Variants in PDE1A observed in about 807,000 individuals in gnomAD.
PDE1A encodes the protein dual specificity calcium/calmodulin-dependent 3',5'-cyclic nucleotide phosphodiesterase 1A.
A neutral mutation model predicts 61.7 loss-of-function variants in PDE1A; 35 were observed. The observed-to-expected ratio is 0.57, with a 90% CI of 0.43 to 0.75. The LOEUF is 0.75. PDE1A is among the 30% of genes least tolerant of loss of function. The probability of loss-of-function intolerance (pLI) is 0.00; values close to 1 mark genes in which losing one functional copy is unlikely to be tolerated. For missense variants in PDE1A, 597 were observed against 630.6 expected (o/e 0.95, Z 0.57); for synonymous variants, 232 against 213.2 (o/e 1.09, Z -0.77).
At chr2:182,390,903 TG>T (rs1197742152) in intron 1 of PDE1A, among the ~76,000 whole-genome samples, 2 of 152,190 alleles carry the variant, frequency 1.3e-5, no homozygotes, top group Non-Finnish European at 2.9e-5. Context: ...GCAACAGTGA[TG>T]GCCTCCCCTG....
the PDE1A span, among the ~76,000 whole-genome samples, chr2:182,598,440 C>T: frequency 0.17 from 25,606 of 151,788 alleles, 2,399 homozygotes; most frequent in Middle Eastern, 0.24. Flanking sequence ...GGCATGGTGG[C>T]GGGCACCTGT....
chr2:182,414,164 A>G (rs1241044090), intron 1 of PDE1A, among the ~76,000 whole-genome samples: 1 of 152,172 alleles, frequency 6.6e-6, no homozygotes, highest in African/African-American at 2.4e-5. Context: ...GAAGACATGG[A>G]AGCAGAGGAC....
At chr2:182,240,057 T>C in intron 3 of PDE1A, 53 bp downstream of exon 3, 2 of 1,485,568 alleles carry the variant, frequency 1.3e-6, no homozygotes, top group South Asian at 1.2e-5. Flanking sequence ...AAAATGAATG[T>C]ATCTGCTGCC....
chr2:182,531,778 G>C, the PDE1A span, among the ~76,000 whole-genome samples: 1 of 152,100 alleles, frequency 6.6e-6, no homozygotes, highest in African/African-American at 2.4e-5. Context: ...GTAAACATGT[G>C]CCATATTGGT....
chr2:182,701,830 T>A, the PDE1A span, among the ~76,000 whole-genome samples: 1 of 152,188 alleles, frequency 6.6e-6, no homozygotes, highest in African/African-American at 2.4e-5. Flanking sequence ...AGCACAGAGC[T>A]TTTATTCCAG....
chr2:182,668,718 C>T, the PDE1A span, among the ~76,000 whole-genome samples: 1 of 152,148 alleles, frequency 6.6e-6, no homozygotes, highest in African/African-American at 2.4e-5. Context: ...GCAGCCAGCT[C>T]TTCGGCTCCT....
intron 1 of PDE1A, among the ~76,000 whole-genome samples, chr2:182,304,425 G>T (rs1315252880): frequency 6.6e-6 from 1 of 152,172 alleles, no homozygotes; most frequent in Non-Finnish European, 1.5e-5. Context: ...CACTAGAGTA[G>T]CACTGTTAAT....
At chr2:182,572,232 G>C in the PDE1A span, among the ~76,000 whole-genome samples, 1 of 152,154 alleles carries the variant, frequency 6.6e-6, no homozygotes, top group South Asian at 2.1e-4. Context: ...ATGAACTGGT[G>C]AGGTAGAAGA....
chr2:182,203,333 A>T (rs1686827745), intron 8 of PDE1A, among the ~76,000 whole-genome samples: 1 of 151,932 alleles, frequency 6.6e-6, no homozygotes, highest in Non-Finnish European at 1.5e-5. Flanking sequence ...AAAAAACAAA[A>T]CAAAACTACA....
intron 2 of PDE1A, among the ~76,000 whole-genome samples, chr2:182,507,093 G>A (rs1329453283): frequency 6.6e-6 from 1 of 152,016 alleles, no homozygotes; most frequent in Non-Finnish European, 1.5e-5. Flanking sequence ...TAAAAAGAGA[G>A]ACCTCAATGT....
the PDE1A span, among the ~76,000 whole-genome samples, chr2:182,555,009 G>T: frequency 6.6e-6 from 1 of 152,142 alleles, no homozygotes; most frequent in Admixed American, 6.5e-5. Flanking sequence ...AATCTATAAA[G>T]CCCTGTCAGT....
the PDE1A span, among the ~76,000 whole-genome samples, chr2:182,670,358 T>C: frequency 6.6e-6 from 1 of 152,174 alleles, no homozygotes; most frequent in African/African-American, 2.4e-5. Flanking sequence ...AAAATTAATA[T>C]AGAGTCCTGA....
chr2:182,666,257 T>C, the PDE1A span, among the ~76,000 whole-genome samples: 2 of 152,168 alleles, frequency 1.3e-5, no homozygotes, highest in Non-Finnish European at 2.9e-5. Flanking sequence ...AAAATGTACA[T>C]GCTTAAATTA....
chr2:182,451,140 AGG>A (rs1685489713), intron 2 of PDE1A, among the ~76,000 whole-genome samples: 1 of 82,556 alleles, frequency 1.2e-5, no homozygotes, highest in African/African-American at 4.3e-5. Context: ...GCACTTTGGG[AGG>A]CCGAGGCGGG....
intron 1 of PDE1A, among the ~76,000 whole-genome samples, chr2:182,357,521 T>C (rs1043247009): frequency 6.6e-6 from 1 of 152,232 alleles, no homozygotes; most frequent in African/African-American, 2.4e-5. Context: ...ATTCCAAGAC[T>C]GAGCTGTACT....
At chr2:182,212,359 A>G (rs1687692936) in intron 7 of PDE1A, among the ~76,000 whole-genome samples, 1 of 152,092 alleles carries the variant, frequency 6.6e-6, no homozygotes, top group Admixed American at 6.6e-5. Context: ...TTGAGGTGAG[A>G]ACACTTAAAA....
the PDE1A span, among the ~76,000 whole-genome samples, chr2:182,627,906 T>C: frequency 6.9e-6 from 1 of 145,808 alleles, no homozygotes. Flanking sequence ...ATCATGCCAC[T>C]GCACTCCAGC....
chr2:182,311,532 A>G lies in PDE1A; in HGVS notation c.54-47118T>C, dbSNP rs575164981. ...ATTCCCTTCCTACTTCTGGTCCTAC[A>G]GTTTTGCTTTTCTAAAATGTCATAT... On this transcript the variant is annotated intron_variant, in intron 1 of 13. Coordinates refer to ENST00000351439, the Ensembl canonical transcript of PDE1A. Among the ~76,000 whole-genome samples the G allele has an allele frequency of 5.3e-5, 8 of 152,256 alleles. No homozygotes were observed. The East Asian group carries it at 1.2e-3, about 22-fold the overall frequency.
intron 1 of PDE1A, among the ~76,000 whole-genome samples, chr2:182,293,197 C>G (rs1049163399): frequency 6.6e-6 from 1 of 151,958 alleles, no homozygotes; most frequent in African/African-American, 2.4e-5. Context: ...AGCTGAGAAC[C>G]CTGGATCCTC....
Sources: allele counts gnomAD v4.1 joint callset (sites outside exome capture counted in the v4.1 genomes callset), GRCh38; gene constraint gnomAD v4.1.1; transcripts MANE v1.5; gene names NCBI Gene and HGNC (gene_info 2026-07-23, HGNC 2026-07-21).